Variants in MACROD2 observed in about 807,000 individuals in gnomAD.
MACROD2 encodes mono-ADP ribosylhydrolase 2, also known as ADP-ribose glycohydrolase MACROD2.
In MACROD2, 36 loss-of-function variants were observed where a neutral mutation model predicts 70.4. That is an observed-to-expected ratio of 0.51 (90% CI 0.39 to 0.68). The LOEUF (loss-of-function observed/expected upper bound fraction) is 0.68. MACROD2 is among the 30% of genes least tolerant of loss of function. The pLI is 0.00. For missense variants in MACROD2, 496 were observed against 538.4 expected, an observed-to-expected ratio of 0.92 and a Z score of 0.78; for synonymous variants, 172 against 178.8, an observed-to-expected ratio of 0.96 and a Z score of 0.30.
At chr20:15,015,874 C>G (rs1453877506) in intron 5 of MACROD2, among the ~76,000 whole-genome samples, 2 of 152,122 alleles carry the variant, frequency 1.3e-5, no homozygotes, top group Middle Eastern at 3.2e-3. Flanking sequence ...TCTTGGGTGT[C>G]CTTGAATAGG....
At chr20:15,032,461 G>A (rs1009942940) in intron 5 of MACROD2, among the ~76,000 whole-genome samples, 2 of 152,208 alleles carry the variant, frequency 1.3e-5, no homozygotes, top group African/African-American at 4.8e-5. Context: ...CAGGCCGATT[G>A]CCCAACAGAG....
At chr20:15,303,526 G>A (rs915194613) in intron 6 of MACROD2, among the ~76,000 whole-genome samples, 6 of 152,084 alleles carry the variant, frequency 3.9e-5, no homozygotes, top group Non-Finnish European at 8.8e-5. Context: ...CTCTTTCATT[G>A]TTTTTACTCT....
chr20:14,079,020 A>G (rs574188086), intron 2 of MACROD2, among the ~76,000 whole-genome samples: 4 of 152,326 alleles, frequency 2.6e-5, no homozygotes, highest in African/African-American at 9.6e-5. Context: ...ATATTTAAAT[A>G]TTGTGTGTCA....
At position 13,995,818 on chromosome 20, in the gene MACROD2, C is replaced by A; in HGVS notation, c.46+9C>A. The A allele has an allele frequency of 6.3e-7, 1 of 1,593,038 alleles. No individual in the cohort carries two copies. On this transcript the variant is annotated intron_variant, in intron 1 of 17. Coordinates refer to ENST00000684519, the MANE Select transcript of MACROD2 (RefSeq NM_001351661.2). The surrounding 1 kb of genome is among the most constrained non-coding windows in gnomAD (Gnocchi z 4.3). ...GTGGAGAGAGGAGAAAGGTAACCGGCCCGTCGAGTCCTGGGGGTGCGGGCG... is the reference window on the plus strand; with the variant it reads ...GTGGAGAGAGGAGAAAGGTAACCGGACCGTCGAGTCCTGGGGGTGCGGGCG...
intron 15 of MACROD2, among the ~76,000 whole-genome samples, chr20:16,021,692 G>A (rs2067003413): frequency 6.6e-6 from 1 of 152,138 alleles, no homozygotes; most frequent in Non-Finnish European, 1.5e-5. Flanking sequence ...GTAGGCGTGG[G>A]TTTTCTGACT....
intron 8 of MACROD2, among the ~76,000 whole-genome samples, chr20:15,547,705 T>A (rs1600571273): frequency 6.6e-6 from 1 of 152,172 alleles, no homozygotes; most frequent in Non-Finnish European, 1.5e-5. Flanking sequence ...ATTTTTTGAT[T>A]CCCATTTTCA....
At chr20:14,806,987 T>G (rs902702584) in intron 5 of MACROD2, among the ~76,000 whole-genome samples, 1 of 152,124 alleles carries the variant, frequency 6.6e-6, no homozygotes, top group Non-Finnish European at 1.5e-5. Context: ...ACAGAGCACC[T>G]GGGAGAAGGA....
chr20:14,097,843 A>G (rs116573135), intron 3 of MACROD2, among the ~76,000 whole-genome samples: 7 of 152,278 alleles, frequency 4.6e-5, no homozygotes, highest in Admixed American at 3.3e-4. Context: ...AGGTATTTTT[A>G]TACAATATTT....
At chr20:14,695,889 T>G (rs1256592056) in intron 5 of MACROD2, among the ~76,000 whole-genome samples, 2 of 152,194 alleles carry the variant, frequency 1.3e-5, no homozygotes, top group Admixed American at 6.5e-5. Flanking sequence ...ATATGTTTTT[T>G]TAAGTGCAGG....
rs572868579 is a variant in MACROD2, at chr20:14,460,749, C to A, written c.272-32730C>A. Among the ~76,000 whole-genome samples the A allele has an allele frequency of 3.9e-5, 6 of 152,180 alleles. No homozygotes were observed. The South Asian group carries it at 6.2e-4, about 16-fold the overall frequency. On this transcript the variant is annotated intron_variant, in intron 3 of 17. Coordinates refer to ENST00000684519, the MANE Select transcript of MACROD2 (RefSeq NM_001351661.2). Reference sequence around the variant, plus strand: ...TATTGATTTTCATATGTTGAACCAGCCTTGCATCCCAGGGATGAAGCCGAC... The same window carrying A: ...TATTGATTTTCATATGTTGAACCAGACTTGCATCCCAGGGATGAAGCCGAC...
At chr20:14,595,528 A>G (rs751553266) in intron 4 of MACROD2, among the ~76,000 whole-genome samples, 7 of 152,174 alleles carry the variant, frequency 4.6e-5, no homozygotes, top group Non-Finnish European at 8.8e-5. Flanking sequence ...TCTCAATAAC[A>G]TAGCTTTCTA....
intron 8 of MACROD2, among the ~76,000 whole-genome samples, chr20:15,644,081 G>T (rs923091906): frequency 6.6e-6 from 1 of 152,074 alleles, no homozygotes; most frequent in Non-Finnish European, 1.5e-5. Context: ...ATAACTCAGG[G>T]CAGGAATGTG....
At chr20:14,904,705 A>G (rs748696732) in intron 5 of MACROD2, among the ~76,000 whole-genome samples, 10 of 152,194 alleles carry the variant, frequency 6.6e-5, no homozygotes, top group Non-Finnish European at 1.0e-4. Flanking sequence ...CAGTTATTTC[A>G]TGTATACAAT....
chr20:14,626,518 T>G (rs931418668), intron 4 of MACROD2, among the ~76,000 whole-genome samples: 1 of 152,152 alleles, frequency 6.6e-6, no homozygotes, highest in Non-Finnish European at 1.5e-5. Flanking sequence ...ATTTTTTGCT[T>G]TCCACTTTTA....
chr20:15,448,379 G>A (rs574429125), intron 7 of MACROD2, among the ~76,000 whole-genome samples: 8 of 152,186 alleles, frequency 5.3e-5, no homozygotes, highest in African/African-American at 9.6e-5. Flanking sequence ...TTGCCCTGGC[G>A]TCCCTGAGCA....
chr20:14,795,313 T>G (rs186135195), intron 5 of MACROD2, among the ~76,000 whole-genome samples: 1 of 152,154 alleles, frequency 6.6e-6, no homozygotes, highest in Admixed American at 6.5e-5. Context: ...AGAGAGAGTA[T>G]GAGGAGAAGA....
chr20:14,323,274 T>G (rs1288508440), intron 3 of MACROD2: 3 of 152,156 alleles, frequency 2.0e-5, no homozygotes, highest in Non-Finnish European at 4.4e-5. Flanking sequence ...TTCTATTAAT[T>G]TGCTACAACA....
At chr20:14,044,294 T>C (rs1211994124) in intron 2 of MACROD2, among the ~76,000 whole-genome samples, 1 of 151,390 alleles carries the variant, frequency 6.6e-6, no homozygotes, top group Admixed American at 6.6e-5. Context: ...GCTTCAGGAG[T>C]GGAGCTGCAG....
chr20:14,861,369 G>A (rs1363954088), intron 5 of MACROD2, among the ~76,000 whole-genome samples: 1 of 152,082 alleles, frequency 6.6e-6, no homozygotes, highest in Non-Finnish European at 1.5e-5. Flanking sequence ...TGGGTTCCAC[G>A]TCCTAGAGAT....
Sources: gnomAD v4.1 joint callset for allele counts (sites outside exome capture counted in the v4.1 genomes callset) on GRCh38, gnomAD v4.1.1 for gene constraint, Gnocchi (gnomAD v3.1) non-coding constraint, MANE v1.5 for transcripts, NCBI Gene and HGNC (gene_info 2026-07-23, HGNC 2026-07-21) for gene names.